KANSL1: variants seen among roughly 807,000 people sequenced by gnomAD.
KANSL1 encodes the protein KAT8 regulatory NSL complex subunit 1, also known as MLL1/MLL complex subunit KANSL1.
KANSL1 carries 22 observed loss-of-function variants against 103.6 expected under a neutral mutation model. The observed-to-expected ratio is 0.21, with a 90% CI of 0.15 to 0.30. The LOEUF (loss-of-function observed/expected upper bound fraction) is 0.30, where lower values mean the gene tolerates loss of function less well. KANSL1 is among the 10% of genes least tolerant of loss of function. The probability of loss-of-function intolerance (pLI) is 1.00; values close to 1 mark genes in which losing one functional copy is unlikely to be tolerated. For synonymous variants in KANSL1, 600 were observed against 527.6 expected, an observed-to-expected ratio of 1.14 and a Z score of -1.88; for missense variants, 1,337 against 1,399.8, an observed-to-expected ratio of 0.96 and a Z score of 0.72.
Position 46,181,272 on chromosome 17 carries a change from G to A in KANSL1, c.-89-9040C>T, listed in dbSNP as rs539108814. The stretch of plus-strand genomic sequence containing the variant: ...TTTTCTCACGAAGCTTTTCAGGTTT[G>A]GTATGTCCTCTCTATACTTCTAACA... On this transcript the variant is annotated intron_variant, in intron 1 of 14. Coordinates refer to ENST00000432791, the MANE Select transcript of KANSL1 (RefSeq NM_015443.4). Among the ~76,000 whole-genome samples, 3 of 152,250 alleles carry A rather than the reference G, an allele frequency of 2.0e-5. No individual in the cohort carries two copies. In the South Asian group the frequency reaches 6.2e-4, roughly 32 times the overall value.
chr17:46,030,339 T>C lies in KANSL1; in HGVS notation c.*1137A>G, dbSNP rs549673929. 6.6e-6 allele frequency: 1 copy of C among 152,122 alleles called. No individual in the cohort carries two copies. The highest frequency in any genetic ancestry group is 6.5e-5 in the Admixed American group (1 of 15,288). The allele number at this position is 152,122 out of a possible 1,614,324, so 9.4% of individuals were successfully genotyped here. ...TGAAAAAACCCCAACCATTAAGCAG[T>C]TGTCTACTATTTTTATACGATTACA... On this transcript the variant is annotated 3_prime_UTR_variant, in exon 15 of 15. Transcript: ENST00000432791.
At chr17:46,209,008 T>TA (rs1455998015) in intron 1 of KANSL1, among the ~76,000 whole-genome samples, 23 of 150,562 alleles carry the variant, frequency 1.5e-4, no homozygotes, top group Admixed American at 3.3e-4. Context: ...CTATCTCAAC[T>TA]AAAAAAAAAC....
intron 2 of KANSL1, among the ~76,000 whole-genome samples, chr17:46,164,828 T>A (rs1051212998): frequency 1.3e-5 from 2 of 152,248 alleles, no homozygotes; most frequent in Non-Finnish European, 2.9e-5. Context: ...TCACTTTAAT[T>A]AGAAAAATGG....
intron 2 of KANSL1, among the ~76,000 whole-genome samples, chr17:46,151,668 T>C (rs1165468007): frequency 1.3e-5 from 2 of 152,258 alleles, no homozygotes; most frequent in Non-Finnish European, 2.9e-5. Flanking sequence ...ACTTGATACA[T>C]ATTAATTTTT....
intron 13 of KANSL1, chr17:46,032,690 G>A (rs1347064920): frequency 3.1e-6 from 1 of 327,574 alleles, no homozygotes; most frequent in East Asian, 5.1e-5. Context: ...GGGTAGTGAT[G>A]GACGTTAAGG....
chr17:46,033,408 C>T lies in KANSL1; in HGVS notation c.2719G>A (p.Glu907Lys). 6.2e-7 allele frequency: 1 copy of T among 1,614,110 alleles called. No individual in the cohort carries two copies. Among genetic ancestry groups the T allele is most frequent in the Non-Finnish European group, 8.5e-7 (1 of 1,179,962 alleles). ...CAGAAGAACCAGGCCATTACCTCTT[C>T]ATTCTCCTCATCAGGACTCCCCTTC... ...SLKGSPDEENEEIEDLSDAAF... is the reference protein window; with the variant it reads ...SLKGSPDEENKEIEDLSDAAF... The change falls in exon 12 of 15, where the codon GAA (glutamate) becomes AAA (lysine). Residue 907 changes from glutamate (E) to lysine (K), a missense_variant. Glu to Lys is a moderately conservative substitution (Grantham distance 56). This residue lies in a region of KANSL1 where 780 missense variants were observed against 923.4 expected (regional missense o/e 0.84). Coordinates refer to ENST00000432791, the MANE Select transcript of KANSL1 (RefSeq NM_015443.4).
intron 1 of KANSL1, among the ~76,000 whole-genome samples, chr17:46,219,228 A>G (rs1400898612): frequency 2.0e-5 from 3 of 151,234 alleles, no homozygotes; most frequent in South Asian, 4.2e-4. Flanking sequence ...CACCTGGACA[A>G]CAAAGCGAGA....
intron 2 of KANSL1, among the ~76,000 whole-genome samples, chr17:46,135,436 T>C (rs1177083294): frequency 6.6e-6 from 1 of 152,144 alleles, no homozygotes; most frequent in Admixed American, 6.5e-5. Context: ...TTACCCAGAT[T>C]AACGAGAGAT....
At chr17:46,116,323 G>A (rs1160751701) in intron 2 of KANSL1, among the ~76,000 whole-genome samples, 1 of 152,206 alleles carries the variant, frequency 6.6e-6, no homozygotes, top group Non-Finnish European at 1.5e-5. Context: ...GAGGTCAGAG[G>A]ATCAAGACCA....
At chr17:46,136,787 A>C (rs1341870678) in intron 2 of KANSL1, among the ~76,000 whole-genome samples, 1 of 152,274 alleles carries the variant, frequency 6.6e-6, no homozygotes, top group Non-Finnish European at 1.5e-5. Flanking sequence ...CCAGAAAGAC[A>C]AAAGCACTTT....
chr17:46,219,410 T>A (rs375990625), intron 1 of KANSL1, among the ~76,000 whole-genome samples: 1 of 152,216 alleles, frequency 6.6e-6, no homozygotes, highest in African/African-American at 2.4e-5. Context: ...TCACCCAGGC[T>A]GGACTGCAGG....
chr17:46,170,178 AAAC>A (rs2046211013), intron 2 of KANSL1: 1 of 152,354 alleles, frequency 6.6e-6, no homozygotes, highest in African/African-American at 2.4e-5. Flanking sequence ...ACAACAAAAA[AAAC>A]AACCCAGTAA....
intron 2 of KANSL1, among the ~76,000 whole-genome samples, chr17:46,114,543 C>T (rs1401197602): frequency 6.6e-6 from 1 of 152,158 alleles, no homozygotes; most frequent in East Asian, 1.9e-4. Context: ...TTCTACATTG[C>T]TGATAACAGC....
intron 2 of KANSL1, among the ~76,000 whole-genome samples, chr17:46,117,651 C>T (rs767575008): frequency 2.0e-5 from 3 of 152,094 alleles, no homozygotes; most frequent in South Asian, 2.1e-4. Flanking sequence ...GCTTTTAAAA[C>T]GGTATTTTAC....
At chr17:46,053,766 T>C (rs1441307462) in intron 6 of KANSL1, among the ~76,000 whole-genome samples, 2 of 152,142 alleles carry the variant, frequency 1.3e-5, no homozygotes, top group Admixed American at 6.5e-5. Flanking sequence ...AAAGGATACA[T>C]TTTGGAAAAT....
chr17:46,086,653 TAAG>T (rs1207877174), intron 3 of KANSL1, among the ~76,000 whole-genome samples: 1 of 152,096 alleles, frequency 6.6e-6, no homozygotes, highest in Non-Finnish European at 1.5e-5. Flanking sequence ...GTGAGGGGAT[TAAG>T]AAGTGGAAAT....
Position 46,171,537 on chromosome 17 carries a change from C to T in KANSL1, c.607G>A (p.Gly203Arg), listed in dbSNP as rs138175526. The T allele has an allele frequency of 1.9e-5, 31 of 1,612,528 alleles. No homozygotes were observed. The highest frequency in any genetic ancestry group is 1.3e-4 in the Admixed American group (8 of 59,744). Residue 203 changes from glycine (G) to arginine (R), a missense_variant, in exon 2 of 15, where the codon GGG becomes AGG. Gly to Arg is a moderately radical substitution (Grantham distance 125). Around this residue, in one of 2 missense-constraint regions of KANSL1, gnomAD observed 557 missense variants for 476.4 expected, o/e 1.17. Transcript: ENST00000432791. ...MGGSESGDLK[G>R]GMTNCTLPHR... Reference sequence around the variant, plus strand: ...GGAAGAGTGCAATTGGTCATACCCCCCTTCAAGTCCCCAGATTCAGATCCT... The same window carrying T: ...GGAAGAGTGCAATTGGTCATACCCCTCTTCAAGTCCCCAGATTCAGATCCT...
At chr17:46,036,457 A>C (rs1238771700) in intron 10 of KANSL1, among the ~76,000 whole-genome samples, 1 of 152,248 alleles carries the variant, frequency 6.6e-6, no homozygotes, top group Non-Finnish European at 1.5e-5. Flanking sequence ...GAAAAGGTAC[A>C]GATTTTTCTT....
At chr17:46,152,628 G>C (rs921650504) in intron 2 of KANSL1, among the ~76,000 whole-genome samples, 5 of 151,996 alleles carry the variant, frequency 3.3e-5, no homozygotes, top group African/African-American at 1.2e-4. Context: ...TGTCAAAAGG[G>C]TTTGAAAAGA....
Sources: gnomAD v4.1 joint callset for allele counts (sites outside exome capture counted in the v4.1 genomes callset) on GRCh38, gnomAD v4.1.1 for gene constraint, gnomAD v4.1.1 regional missense constraint, MANE v1.5 for transcripts, NCBI Gene and HGNC (gene_info 2026-07-23, HGNC 2026-07-21) for gene names.